TDRD5: variants seen among roughly 807,000 people sequenced by gnomAD.
TDRD5 encodes tudor domain-containing protein 5.
TDRD5 carries 41 observed loss-of-function variants against 120.6 expected under a neutral mutation model. The observed-to-expected ratio is 0.34, with a 90% CI of 0.26 to 0.44. TDRD5 has a LOEUF of 0.44. TDRD5 is among the 20% of genes least tolerant of loss of function. TDRD5 has a pLI of 1.00. For missense variants in TDRD5, 1,006 were observed against 1,221.2 expected (o/e 0.82, Z 2.63); for synonymous variants, 430 against 433.7 (o/e 0.99, Z 0.11).
chr1:179,592,622 G>A lies in TDRD5; in HGVS notation c.7G>A (p.Glu3Lys), dbSNP rs1675175302. The part of the protein sequence containing the change: MS[E>K]QERIQECLRK... ...TTCAGTCCTGTAGGGCACAATGTCT[G>A]AACAAGAGCGTATACAGGAATGTCT... The change falls in exon 2 of 18, where the codon GAA becomes AAA. Residue 3 changes from glutamate to lysine, a missense_variant. Transcript: ENST00000444136. 1 of 1,613,630 alleles carries A rather than the reference G, an allele frequency of 6.2e-7. No homozygotes were observed. The highest frequency in any genetic ancestry group is 8.5e-7 in the Non-Finnish European group (1 of 1,179,964).
At chr1:179,616,578 A>T (rs1676576111) in intron 4 of TDRD5, among the ~76,000 whole-genome samples, 1 of 152,184 alleles carries the variant, frequency 6.6e-6, no homozygotes, top group African/African-American at 2.4e-5. Context: ...TTTTGCTTGT[A>T]TAACCAAGAA....
rs748631957 is a variant in TDRD5 at position 179,593,582 on chromosome 1, C to T, written c.355C>T (p.Arg119Trp). The change falls in exon 3 of 18, where the codon CGG becomes TGG. Residue 119 changes from arginine to tryptophan, a missense_variant. By Grantham distance (101) the Arg-to-Trp change is moderately radical. Around this residue, in one of 3 missense-constraint regions of TDRD5, gnomAD observed 445 missense variants for 515.5 expected, o/e 0.86. Coordinates refer to ENST00000444136, the MANE Select transcript of TDRD5 (RefSeq NM_001199085.3). ...TATTTATTCTGGACCGAGATCTCAT[C>T]GGCGAGTACCTTACCGAGGAAGGGT... ...PSIYSGPRSHRRVPYRGRVAP... is the reference protein window; with the variant it reads ...PSIYSGPRSHWRVPYRGRVAP... 6 of 1,614,194 alleles carry T rather than the reference C, an allele frequency of 3.7e-6. No individual in the cohort carries two copies. The Admixed American group carries it at 6.7e-5, about 18-fold the overall frequency.
rs577467446 is a variant in TDRD5 at position 179,663,378 on chromosome 1, T to C, written c.2536T>C (p.Trp846Arg). Residue 846 changes from tryptophan (W) to arginine (R), a missense_variant, in exon 16 of 18, where the codon TGG becomes CGG. Transcript: ENST00000444136. ...GTGTTTTTCTACCCCTAAAGATACA[T>C]GGGATGATTCTTGGCAGCCTTCAGG... The part of the protein sequence containing the change: ...DWCFSTPKDT[W>R]DDSWQPSGLV... The C allele has an allele frequency of 1.4e-5, 23 of 1,613,462 alleles. No individual in the cohort carries two copies. The highest frequency in any genetic ancestry group is 2.7e-5 in the African/African-American group (2 of 75,014).
chr1:179,682,489 G>A, intron 17 of TDRD5, among the ~76,000 whole-genome samples: 1 of 152,032 alleles, frequency 6.6e-6, no homozygotes, highest in Non-Finnish European at 1.5e-5. Flanking sequence ...GAGAACATGT[G>A]GTGTTTGGCT....
At chr1:179,603,573 T>A (rs1675826565) in intron 4 of TDRD5, among the ~76,000 whole-genome samples, 2 of 152,158 alleles carry the variant, frequency 1.3e-5, no homozygotes, top group African/African-American at 2.4e-5. Context: ...TTGCTGAGAG[T>A]TTTAATCATA....
At chr1:179,679,610 AT>A (rs1208467609) in intron 17 of TDRD5, among the ~76,000 whole-genome samples, 1 of 152,090 alleles carries the variant, frequency 6.6e-6, no homozygotes, top group Non-Finnish European at 1.5e-5. Flanking sequence ...CTTTCAAGGA[AT>A]TTATCCATTT....
chr1:179,674,212 G>A (rs1314698657), intron 17 of TDRD5, among the ~76,000 whole-genome samples: 1 of 152,114 alleles, frequency 6.6e-6, no homozygotes, highest in South Asian at 2.1e-4. Flanking sequence ...TTACCTTAAG[G>A]TATGTCCCTA....
chr1:179,617,256 G>C (rs1473172001), intron 4 of TDRD5, among the ~76,000 whole-genome samples: 1 of 152,172 alleles, frequency 6.6e-6, no homozygotes, highest in African/African-American at 2.4e-5. Context: ...TGAATGCTGT[G>C]CCAATGGTAT....
rs114479603 is a variant in TDRD5 at position 179,596,598 on chromosome 1, T to C, written c.831+780T>C. On this transcript the variant is annotated intron_variant, in intron 4 of 17. Coordinates refer to ENST00000444136, the MANE Select transcript of TDRD5 (RefSeq NM_001199085.3). ...TCTAATCTTTTGTGTTTGGCTTCTT[T>C]AACTTAGTAGAATACTTCTGAGGTT... 5.4e-3 allele frequency among the ~76,000 whole-genome samples: 827 copies of C among 152,364 alleles called. 2 individuals carry two copies. Among genetic ancestry groups the C allele is most frequent in the African/African-American group, 0.019 (784 of 41,590 alleles).
rs138759668 is a variant in TDRD5 at position 179,633,373 on chromosome 1, A to G, written c.1127-1084A>G. 7.2e-3 allele frequency among the ~76,000 whole-genome samples: 1,089 copies of G among 150,348 alleles called. 2 individuals are homozygous for G. Among genetic ancestry groups the G allele is most frequent in the Middle Eastern group, 0.014 (4 of 292 alleles). ...GTCTGGAATCTTTTTTTTTTTTGAG[A>G]TGGAGTCTCGCTCTGTCACCCAGGC... is the stretch of plus-strand genomic sequence containing the variant. On this transcript the variant is annotated intron_variant, in intron 7 of 17. Transcript: ENST00000444136.
chr1:179,617,964 C>T (rs1428017540), intron 4 of TDRD5, among the ~76,000 whole-genome samples: 1 of 152,142 alleles, frequency 6.6e-6, no homozygotes, highest in African/African-American at 2.4e-5. Flanking sequence ...TATTTTCCCA[C>T]CTTTTCTACT....
intron 17 of TDRD5, among the ~76,000 whole-genome samples, chr1:179,679,577 C>G (rs1680317684): frequency 6.6e-6 from 1 of 152,066 alleles, no homozygotes; most frequent in African/African-American, 2.4e-5. Context: ...AATTTCTTCT[C>G]AAGTAAACTT....
intron 17 of TDRD5, among the ~76,000 whole-genome samples, chr1:179,678,398 T>G (rs559304674): frequency 2.6e-5 from 4 of 152,194 alleles, no homozygotes; most frequent in African/African-American, 9.6e-5. Flanking sequence ...TCAGGGGTGA[T>G]CCAGTTTCTT....
At chr1:179,649,631 G>C (rs114783115) in intron 11 of TDRD5, among the ~76,000 whole-genome samples, 1,872 of 152,194 alleles carry the variant, frequency 0.012, 17 homozygotes, top group Non-Finnish European at 0.019. Context: ...ACTGGTTTTT[G>C]TTTGGGTTTT....
At chr1:179,642,303 T>C (rs529384678) in intron 11 of TDRD5, among the ~76,000 whole-genome samples, 2 of 152,172 alleles carry the variant, frequency 1.3e-5, no homozygotes, top group South Asian at 4.2e-4. Flanking sequence ...TTTCACCATG[T>C]TGGCCAGGCT....
chr1:179,613,505 T>C (rs896756519), intron 4 of TDRD5, among the ~76,000 whole-genome samples: 7 of 152,228 alleles, frequency 4.6e-5, no homozygotes, highest in African/African-American at 1.4e-4. Context: ...CTGGGTGGCT[T>C]GTAAACAACA....
intron 4 of TDRD5, among the ~76,000 whole-genome samples, chr1:179,606,180 C>T (rs1280922534): frequency 8.4e-6 from 1 of 119,176 alleles, no homozygotes; most frequent in East Asian, 2.8e-4. Flanking sequence ...ATTTGAAATC[C>T]CCTCATGACA....
chr1:179,611,325 G>A (rs1421917128), intron 4 of TDRD5, among the ~76,000 whole-genome samples: 1 of 152,066 alleles, frequency 6.6e-6, no homozygotes, highest in Non-Finnish European at 1.5e-5. Flanking sequence ...GGGATTATAG[G>A]TATGAGCCAT....
intron 4 of TDRD5, among the ~76,000 whole-genome samples, chr1:179,599,211 A>G (rs1454636449): frequency 1.3e-5 from 2 of 152,072 alleles, no homozygotes; most frequent in African/African-American, 4.8e-5. Context: ...ATCATATAGT[A>G]TCCTTTTTAT....
Sources: gnomAD v4.1 joint callset for allele counts (sites outside exome capture counted in the v4.1 genomes callset) on GRCh38, gnomAD v4.1.1 for gene constraint, gnomAD v4.1.1 regional missense constraint, MANE v1.5 for transcripts, NCBI Gene and HGNC (gene_info 2026-07-23, HGNC 2026-07-21) for gene names.